The following DCC variants were observed in gnomAD, a reference collection of about 807,000 sequenced individuals.
DCC encodes netrin receptor DCC.
A neutral mutation model predicts 172.5 loss-of-function variants in DCC; 58 were observed. The observed-to-expected ratio is 0.34, with a 90% CI of 0.27 to 0.42. The LOEUF (loss-of-function observed/expected upper bound fraction) is 0.42, where lower values mean the gene tolerates loss of function less well. Ranked by LOEUF, DCC falls within the 10% of genes least tolerant of loss-of-function variation. The pLI is 1.00. For synonymous variants in DCC, 709 were observed against 644.5 expected (o/e 1.10, Z -1.52); for missense variants, 1,740 against 1,791.0 (o/e 0.97, Z 0.51).
chr18:53,036,979 G>T (rs148221475), intron 5 of DCC, among the ~76,000 whole-genome samples: 23 of 152,024 alleles, frequency 1.5e-4, no homozygotes, highest in Non-Finnish European at 2.9e-4. Flanking sequence ...TTTCAAGCAG[G>T]TAGTAGAGCA....
chr18:52,940,918 G>A (rs1438367248), intron 5 of DCC: 2 of 152,118 alleles, frequency 1.3e-5, no homozygotes, highest in African/African-American at 4.8e-5. Context: ...TTGGAGTAGA[G>A]TTCAAAGTTC....
chr18:52,476,415 C>T (rs1350029962), intron 1 of DCC, among the ~76,000 whole-genome samples: 2 of 152,118 alleles, frequency 1.3e-5, no homozygotes, highest in Non-Finnish European at 2.9e-5. Flanking sequence ...GAAATGCTGT[C>T]TGAGCCGAAG....
chr18:52,883,963 T>C (rs983189402), intron 2 of DCC, among the ~76,000 whole-genome samples: 1 of 151,776 alleles, frequency 6.6e-6, no homozygotes, highest in African/African-American at 2.4e-5. Flanking sequence ...AAATATATTT[T>C]CACTGGATAT....
chr18:52,467,056 AT>A (rs749801114), intron 1 of DCC, among the ~76,000 whole-genome samples: 10 of 123,228 alleles, frequency 8.1e-5, no homozygotes, highest in South Asian at 2.7e-4. Context: ...AAAAAAAAAT[AT>A]ATATATATAT....
intron 7 of DCC, among the ~76,000 whole-genome samples, chr18:53,092,599 G>A (rs561608153): frequency 2.8e-4 from 42 of 152,286 alleles, no homozygotes; most frequent in South Asian, 4.1e-4. Context: ...ATCTATGACT[G>A]TTCTATGAGC....
chr18:52,483,732 G>T (rs78575867), intron 1 of DCC, among the ~76,000 whole-genome samples: 2,377 of 151,904 alleles, frequency 0.016, 47 homozygotes, highest in East Asian at 0.039. Context: ...CTTTTCCTGG[G>T]TTTCTCAATC....
intron 7 of DCC, among the ~76,000 whole-genome samples, chr18:53,081,617 A>G (rs1167331742): frequency 6.6e-6 from 1 of 152,050 alleles, no homozygotes; most frequent in African/African-American, 2.4e-5. Flanking sequence ...AACATTAATT[A>G]TTTAGCTTGA....
At chr18:52,788,560 T>G (rs2037702390) in intron 2 of DCC, among the ~76,000 whole-genome samples, 1 of 152,232 alleles carries the variant, frequency 6.6e-6, no homozygotes. Flanking sequence ...TCTTAAAGAT[T>G]ATAGTCATGT....
chr18:52,698,119 T>C (rs75560892), intron 1 of DCC, among the ~76,000 whole-genome samples: 4,457 of 152,310 alleles, frequency 0.029, 227 homozygotes, highest in African/African-American at 0.1. Context: ...ATTCCTTTTA[T>C]TTAATGAAAT....
chr18:53,374,328 T>G (rs1170425058), intron 15 of DCC, among the ~76,000 whole-genome samples: 1 of 152,178 alleles, frequency 6.6e-6, no homozygotes, highest in Non-Finnish European at 1.5e-5. Context: ...GTAGATTGCC[T>G]TAATTGGGAC....
intron 15 of DCC, among the ~76,000 whole-genome samples, chr18:53,369,228 A>G (rs936691347): frequency 6.6e-6 from 1 of 151,618 alleles, no homozygotes; most frequent in Admixed American, 6.6e-5. Context: ...TTTCTTTTTC[A>G]GATTGTTCAT....
At chr18:53,443,734 A>G (rs1380686152) in intron 22 of DCC, among the ~76,000 whole-genome samples, 4 of 152,254 alleles carry the variant, frequency 2.6e-5, no homozygotes, top group Admixed American at 6.5e-5. Flanking sequence ...TTTGTGATTC[A>G]TGGGAAAAAG....
chr18:53,480,288 A>T (rs1451759211), intron 25 of DCC, among the ~76,000 whole-genome samples: 2 of 152,176 alleles, frequency 1.3e-5, no homozygotes, highest in Admixed American at 1.3e-4. Flanking sequence ...TGTGGCAAGC[A>T]CTAAGCCAGC....
At chr18:52,428,021 C>T (rs544870031) in intron 1 of DCC, among the ~76,000 whole-genome samples, 198 of 152,148 alleles carry the variant, frequency 1.3e-3, no homozygotes, top group African/African-American at 4.5e-3. Flanking sequence ...GTCTTGGCTT[C>T]GTGGCTCATG....
At chr18:53,331,135 T>G (rs988697885) in intron 14 of DCC, among the ~76,000 whole-genome samples, 1 of 152,230 alleles carries the variant, frequency 6.6e-6, no homozygotes, top group South Asian at 2.1e-4. Flanking sequence ...CATCCTATTA[T>G]GCTTATATAC....
intron 1 of DCC, among the ~76,000 whole-genome samples, chr18:52,497,854 A>T (rs1166601430): frequency 6.6e-6 from 1 of 152,148 alleles, no homozygotes; most frequent in Non-Finnish European, 1.5e-5. Flanking sequence ...TTGTAACAAG[A>T]TCTCCAGGTG....
intron 15 of DCC, among the ~76,000 whole-genome samples, 155 bp downstream of exon 15, chr18:53,340,062 A>T (rs1363763577): frequency 8.0e-6 from 1 of 125,750 alleles, no homozygotes; most frequent in Non-Finnish European, 1.8e-5. Context: ...ACACACACAC[A>T]CACACACACA....
rs539094377 is a variant in DCC, at chr18:52,725,362, A to T, written c.92-26692A>T. Among the ~76,000 whole-genome samples the T allele has an allele frequency of 4.6e-5, 7 of 152,330 alleles. No homozygotes were observed. In the East Asian group the frequency reaches 7.7e-4, roughly 17 times the overall value. ...TCAGAATGGAAAAAATTAGAGAATA[A>T]CAAGTTGCTCAAAAGCTTCAAGTTC... On this transcript the variant is annotated intron_variant, in intron 1 of 28. Transcript: ENST00000442544.
intron 15 of DCC, among the ~76,000 whole-genome samples, chr18:53,351,291 G>GTGTATATATA (rs370537393): frequency 5.8e-5 from 2 of 34,450 alleles, no homozygotes; most frequent in East Asian, 1.3e-3. Context: ...ATTGAGTACA[G>GTGTATATATA]TATATATATA....
Sources: allele counts gnomAD v4.1 joint callset (sites outside exome capture counted in the v4.1 genomes callset), GRCh38; gene constraint gnomAD v4.1.1; transcripts MANE v1.5; gene names NCBI Gene and HGNC (gene_info 2026-07-23, HGNC 2026-07-21).